Variants in EML6 observed in about 807,000 individuals in gnomAD.
EML6 encodes echinoderm microtubule-associated protein-like 6.
Under a neutral mutation model 240.1 loss-of-function variants are expected in EML6, and 154 were observed. The ratio of observed to expected loss-of-function variants is 0.64; its 90% CI spans 0.56 to 0.73. The LOEUF (loss-of-function observed/expected upper bound fraction) is 0.73. Ranked by LOEUF, EML6 falls within the 30% of genes least tolerant of loss-of-function variation. EML6 has a pLI of 0.00. For missense variants in EML6, 2,964 were observed against 2,474.6 expected, an observed-to-expected ratio of 1.20 and a Z score of -4.20; for synonymous variants, 1,148 against 899.0, an observed-to-expected ratio of 1.28 and a Z score of -4.95.
intron 22 of EML6, among the ~76,000 whole-genome samples, chr2:54,900,224 C>A (rs747912881): frequency 6.6e-6 from 1 of 152,086 alleles, no homozygotes; most frequent in Non-Finnish European, 1.5e-5. Context: ...TGCACTAGAA[C>A]TATGAGGTGT....
Position 54,928,677 on chromosome 2 carries a change from T to C in EML6, c.3930T>C (p.Ile1310=). The change falls in exon 28 of 42, where the codon ATT becomes ATC. Residue 1310 remains isoleucine (I), a synonymous_variant. Coordinates refer to ENST00000356458, the MANE Select transcript of EML6 (RefSeq NM_001039753.4). ...REKAIDYTTK[I]YAVSIREMEG... is the part of the protein sequence containing the mutation. Reference sequence around the variant, plus strand: ...AGGCCATTGACTACACCACCAAGATTTATGCTGTGAGCATCAGGGAAATGG... The same window carrying C: ...AGGCCATTGACTACACCACCAAGATCTATGCTGTGAGCATCAGGGAAATGG... 2.6e-6 allele frequency: 4 copies of C among 1,551,958 alleles called. No homozygotes were observed. Among genetic ancestry groups the C allele is most frequent in the Non-Finnish European group, 3.5e-6 (4 of 1,147,054 alleles).
At chr2:54,828,909 T>G (rs1254344657) in intron 6 of EML6, among the ~76,000 whole-genome samples, 1 of 152,240 alleles carries the variant, frequency 6.6e-6, no homozygotes, top group Non-Finnish European at 1.5e-5. Flanking sequence ...TGAGGTACAT[T>G]TTGGGCACTT....
At chr2:54,834,074 C>G (rs933548480) in intron 7 of EML6, among the ~76,000 whole-genome samples, 4 of 152,120 alleles carry the variant, frequency 2.6e-5, no homozygotes, top group African/African-American at 9.7e-5. Flanking sequence ...GGTGGTTGTC[C>G]TCCAATATAC....
chr2:54,827,025 T>A (rs1035520709), intron 5 of EML6, among the ~76,000 whole-genome samples: 1 of 152,098 alleles, frequency 6.6e-6, no homozygotes, highest in Non-Finnish European at 1.5e-5. Flanking sequence ...ATACAAAAAT[T>A]AGCTGAGCTT....
At position 54,724,828 on chromosome 2, in the gene EML6, G is replaced by A. The variant is rs1682829439; in HGVS notation, c.-234G>A. On this transcript the variant is annotated 5_prime_UTR_variant, in exon 2 of 42. Coordinates refer to ENST00000356458, the MANE Select transcript of EML6 (RefSeq NM_001039753.4). This position sits in a 1 kb window ranked among gnomAD's most constrained non-coding sequence, Gnocchi z 5.2. ...CCCAGAGCCGCCTTGCCCGGGTAGA[G>A]GGAGCCCGGCGCCCGGCGGGGTCTG... 1 of 174,328 alleles carries A rather than the reference G, an allele frequency of 5.7e-6. No individual in the cohort carries two copies. Among genetic ancestry groups the A allele is most frequent in the African/African-American group, 2.4e-5 (1 of 41,796 alleles). 10.8% of individuals were successfully genotyped at this position (174,328 alleles called of 1,614,324 possible).
chr2:54,843,294 G>A (rs1410711261), intron 7 of EML6, among the ~76,000 whole-genome samples: 2 of 152,236 alleles, frequency 1.3e-5, no homozygotes, highest in South Asian at 4.2e-4. Context: ...TAGGCATGGT[G>A]TTGCACACCT....
chr2:54,757,048 G>T (rs536340961), intron 2 of EML6, among the ~76,000 whole-genome samples: 2 of 151,610 alleles, frequency 1.3e-5, no homozygotes, highest in African/African-American at 4.8e-5. Context: ...ATTTTAAAAT[G>T]CTTTTTAAAA....
chr2:54,726,594 T>C (rs925297679), intron 2 of EML6, among the ~76,000 whole-genome samples: 5 of 152,222 alleles, frequency 3.3e-5, no homozygotes, highest in African/African-American at 1.2e-4. Flanking sequence ...TGTAAAACTT[T>C]TTTCATGTCA....
chr2:54,962,691 A>G lies in EML6; in HGVS notation c.5137A>G (p.Ile1713Val). The change falls in exon 36 of 42, where the codon ATC becomes GTC. Residue 1713 changes from isoleucine (I) to valine (V), a missense_variant. Coordinates refer to ENST00000356458, the MANE Select transcript of EML6 (RefSeq NM_001039753.4). ...ISASNDGTAR[I>V]WDLADKKLLN... ...TGCCAGCAACGATGGCACAGCCCGG[A>G]TCTGGGACCTGGCTGACAAGGTGAG... 1 of 1,497,604 alleles carries G rather than the reference A, an allele frequency of 6.7e-7. No homozygotes were observed. The highest frequency in any genetic ancestry group is 8.9e-7 in the Non-Finnish European group (1 of 1,120,362). 92.8% of individuals were successfully genotyped at this position (1,497,604 alleles called of 1,614,324 possible).
chr2:54,962,878 C>T lies in EML6; in HGVS notation c.5157+167C>T, dbSNP rs138489149. Among the ~76,000 whole-genome samples, 968 of 152,230 alleles carry T rather than the reference C, an allele frequency of 6.4e-3. 12 individuals carry two copies. The highest frequency in any genetic ancestry group is 0.022 in the African/African-American group (907 of 41,518). On this transcript the variant is annotated intron_variant, in intron 36 of 41. Transcript: ENST00000356458. ...AAAAGAAGCCCCACTCACCACACCCCGTCTAAACAATATAATTGAGAAGGA... is the reference window on the plus strand; with the variant it reads ...AAAAGAAGCCCCACTCACCACACCCTGTCTAAACAATATAATTGAGAAGGA...
intron 31 of EML6, among the ~76,000 whole-genome samples, chr2:54,953,602 C>T (rs185690402): frequency 1.3e-5 from 2 of 152,224 alleles, no homozygotes; most frequent in Admixed American, 6.5e-5. Context: ...TTAAAAAAGG[C>T]TTTTGCAGGC....
rs1157116490 is a variant in EML6 at position 54,953,988 on chromosome 2, A to T, written c.4318A>T (p.Thr1440Ser). The change falls in exon 32 of 42, where the codon ACA (threonine) becomes TCA (serine). Residue 1440 changes from threonine (T) to serine (S), a missense_variant. Coordinates refer to ENST00000356458, the MANE Select transcript of EML6 (RefSeq NM_001039753.4). ...TCATGCCTCTCCACACTCAGGGACA[A>T]CACCTTCCATCCACATATGGGACGC... ...NVVATSQIGTTPSIHIWDAMT... is the reference protein window; with the variant it reads ...NVVATSQIGTSPSIHIWDAMT... 6.4e-7 allele frequency: 1 copy of T among 1,550,716 alleles called. No homozygotes were observed. The highest frequency in any genetic ancestry group is 2.4e-5 in the East Asian group (1 of 40,882).
chr2:54,824,840 A>G (rs1426072689), intron 5 of EML6, among the ~76,000 whole-genome samples: 1 of 152,154 alleles, frequency 6.6e-6, no homozygotes, highest in Non-Finnish European at 1.5e-5. Context: ...GTCTGTGGGT[A>G]GAGACTGCAG....
intron 26 of EML6, among the ~76,000 whole-genome samples, chr2:54,925,680 C>A (rs1558692266): frequency 1.3e-5 from 2 of 152,166 alleles, no homozygotes; most frequent in African/African-American, 4.8e-5. Flanking sequence ...CTTGTCCCAA[C>A]CTCCATGAGA....
At chr2:54,752,525 A>G (rs1013465141) in intron 2 of EML6, among the ~76,000 whole-genome samples, 1 of 152,118 alleles carries the variant, frequency 6.6e-6, no homozygotes, top group African/African-American at 2.4e-5. Flanking sequence ...CTGATATTGA[A>G]CTTTATAAAA....
intron 28 of EML6, among the ~76,000 whole-genome samples, chr2:54,944,652 A>G (rs1030502910): frequency 1.3e-5 from 2 of 152,102 alleles, no homozygotes; most frequent in East Asian, 1.9e-4. Flanking sequence ...CAACAACAAA[A>G]AGACACAAAG....
At chr2:54,815,015 T>G (rs764499816) in intron 3 of EML6, among the ~76,000 whole-genome samples, 1 of 152,230 alleles carries the variant, frequency 6.6e-6, no homozygotes, top group Non-Finnish European at 1.5e-5. Context: ...CAAGTATAAA[T>G]GTATGCTTAT....
intron 24 of EML6, among the ~76,000 whole-genome samples, chr2:54,904,934 A>C (rs1005377129): frequency 2.6e-5 from 4 of 152,234 alleles, no homozygotes; most frequent in African/African-American, 7.2e-5. Context: ...TATACTTGCC[A>C]CACTGGAATT....
At chr2:54,965,895 A>T (rs1676727285) in intron 38 of EML6, among the ~76,000 whole-genome samples, 1 of 152,264 alleles carries the variant, frequency 6.6e-6, no homozygotes, top group Non-Finnish European at 1.5e-5. Flanking sequence ...GGCAAGAAGG[A>T]GGTCTGCTTT....
Sources: allele counts gnomAD v4.1 joint callset (sites outside exome capture counted in the v4.1 genomes callset), GRCh38; gene constraint gnomAD v4.1.1; non-coding constraint Gnocchi (gnomAD v3.1); transcripts MANE v1.5; gene names NCBI Gene and HGNC (gene_info 2026-07-23, HGNC 2026-07-21).